CLIC5: variants seen among roughly 807,000 people sequenced by gnomAD.
CLIC5 encodes CLIC family member 5, also known as chloride intracellular channel protein 5.
In CLIC5, 20 loss-of-function variants were observed where a neutral mutation model predicts 24.7. That is an observed-to-expected ratio of 0.81 (90% CI 0.57 to 1.18). The LOEUF is 1.18. Among genes scored for constraint, CLIC5 ranks in the 50% most tolerant of loss-of-function variants. CLIC5 has a pLI of 0.00. For missense variants in CLIC5, 341 were observed against 326.1 expected (o/e 1.05, Z -0.35); for synonymous variants, 159 against 135.6 (o/e 1.17, Z -1.20).
intron 1 of CLIC5, among the ~76,000 whole-genome samples, chr6:46,048,650 C>T (rs1768021002): frequency 6.6e-6 from 1 of 152,126 alleles, no homozygotes; most frequent in Non-Finnish European, 1.5e-5. Context: ...TAGTCCAGCT[C>T]CTGAAACCTC....
chr6:45,996,907 G>A (rs1351192718), intron 1 of CLIC5, among the ~76,000 whole-genome samples: 1 of 151,972 alleles, frequency 6.6e-6, no homozygotes, highest in Non-Finnish European at 1.5e-5. Context: ...TTGTTGGTGG[G>A]ACTGTAAACT....
chr6:46,024,111 A>G (rs1416139101), intron 1 of CLIC5, among the ~76,000 whole-genome samples: 1 of 152,220 alleles, frequency 6.6e-6, no homozygotes, highest in Non-Finnish European at 1.5e-5. Context: ...AGTAGAATGT[A>G]GAATATTTTG....
At chr6:45,948,444 C>T (rs1764358769) in intron 3 of CLIC5, among the ~76,000 whole-genome samples, 1 of 152,194 alleles carries the variant, frequency 6.6e-6, no homozygotes, top group Non-Finnish European at 1.5e-5. Flanking sequence ...TTAAAACGGA[C>T]TCCCCACCTC....
intron 1 of CLIC5, among the ~76,000 whole-genome samples, chr6:46,031,939 T>TATACAC (rs1554163950): frequency 6.8e-6 from 1 of 146,254 alleles, no homozygotes; most frequent in African/African-American, 2.5e-5. Context: ...TATATATATA[T>TATACAC]ACACACACAC....
chr6:46,119,034 G>A, the CLIC5 span, among the ~76,000 whole-genome samples: 1 of 152,222 alleles, frequency 6.6e-6, no homozygotes, highest in Non-Finnish European at 1.5e-5. Flanking sequence ...GAGGCCACAA[G>A]TCGAGGAATA....
At chr6:46,105,369 A>G in the CLIC5 span, among the ~76,000 whole-genome samples, 2 of 152,182 alleles carry the variant, frequency 1.3e-5, no homozygotes, top group African/African-American at 4.8e-5. Flanking sequence ...AAAAGCCAAT[A>G]TTCAAGCTAT....
At chr6:45,963,063 T>C (rs547227507) in intron 1 of CLIC5, among the ~76,000 whole-genome samples, 2 of 152,258 alleles carry the variant, frequency 1.3e-5, no homozygotes, top group Non-Finnish European at 2.9e-5. Flanking sequence ...TATTATTTCA[T>C]GTCCCGCTAT....
chr6:46,090,489 T>G, the CLIC5 span, among the ~76,000 whole-genome samples: 2 of 152,114 alleles, frequency 1.3e-5, no homozygotes, highest in African/African-American at 2.4e-5. Flanking sequence ...AAATATTTGA[T>G]CTATGTGTCA....
chr6:45,888,993 A>C (rs1762327609), intron 6 of CLIC5, among the ~76,000 whole-genome samples: 1 of 152,046 alleles, frequency 6.6e-6, no homozygotes, highest in Admixed American at 6.5e-5. Flanking sequence ...GAGACTAATC[A>C]AGTTGAGGAA....
chr6:46,063,627 G>A (rs981232375), intron 1 of CLIC5, among the ~76,000 whole-genome samples: 1 of 152,190 alleles, frequency 6.6e-6, no homozygotes, highest in African/African-American at 2.4e-5. Flanking sequence ...ATCTGCATGT[G>A]CATGGGAGAA....
At chr6:46,127,401 T>G in the CLIC5 span, among the ~76,000 whole-genome samples, 1 of 152,228 alleles carries the variant, frequency 6.6e-6, no homozygotes, top group Non-Finnish European at 1.5e-5. Flanking sequence ...TTTAGACTAT[T>G]GCCTCTAATT....
chr6:45,960,939 C>T (rs1349790238), intron 1 of CLIC5, among the ~76,000 whole-genome samples: 1 of 152,212 alleles, frequency 6.6e-6, no homozygotes, highest in East Asian at 1.9e-4. Context: ...CCTAGGGTAC[C>T]ATAGAGAGTT....
chr6:45,958,443 T>TATACACACACACACACACAC lies in CLIC5; in HGVS notation c.64-3200_64-3199insGTGTGTGTGTGTGTGTGTAT, dbSNP rs1554151289. ...ACAATTATATATATATATATATATA[T>TATACACACACACACACACAC]ATATATATATATATATATATATATA... On this transcript the variant is annotated intron_variant, in intron 1 of 5. Coordinates refer to ENST00000339561, the MANE Select transcript of CLIC5 (RefSeq NM_016929.5). 2.8e-3 allele frequency among the ~76,000 whole-genome samples: 157 copies of TATACACACACACACACACAC among 55,622 alleles called. 15 individuals carry two copies. The highest frequency in any genetic ancestry group is 9.1e-3 in the South Asian group (15 of 1,644). The allele number at this position is 55,622 out of a possible 152,430, so 36.5% of individuals were successfully genotyped here.
At chr6:46,109,356 A>ATTAAAAACTTC in the CLIC5 span, among the ~76,000 whole-genome samples, 1 of 152,014 alleles carries the variant, frequency 6.6e-6, no homozygotes, top group Non-Finnish European at 1.5e-5. Flanking sequence ...ATTGGACTAG[A>ATTAAAAACTTC]TTAAAAACTT....
chr6:46,092,853 A>G, the CLIC5 span, among the ~76,000 whole-genome samples: 1 of 152,146 alleles, frequency 6.6e-6, no homozygotes, highest in South Asian at 2.1e-4. Flanking sequence ...GTCCCAACCA[A>G]ATACTAAGAA....
At chr6:45,914,990 C>T (rs1047627602) in intron 4 of CLIC5, among the ~76,000 whole-genome samples, 7 of 151,818 alleles carry the variant, frequency 4.6e-5, no homozygotes, top group African/African-American at 7.3e-5. Context: ...AGTGCAGTGG[C>T]GTGATCTGGG....
chr6:46,080,632 A>G (rs1304731606), upstream of CLIC5, among the ~76,000 whole-genome samples: 1 of 152,212 alleles, frequency 6.6e-6, no homozygotes, highest in Admixed American at 6.5e-5. Flanking sequence ...TCCCTCCTCC[A>G]ACTGCCTCCA....
chr6:45,910,524 G>A (rs760991315), intron 5 of CLIC5, among the ~76,000 whole-genome samples: 5 of 152,122 alleles, frequency 3.3e-5, no homozygotes, highest in Admixed American at 6.5e-5. Flanking sequence ...GTGACTTAAT[G>A]TTACATGATA....
chr6:46,027,453 G>T (rs1365480359), intron 1 of CLIC5, among the ~76,000 whole-genome samples: 1 of 152,088 alleles, frequency 6.6e-6, no homozygotes, highest in Admixed American at 6.6e-5. Flanking sequence ...CTACACTGTG[G>T]GATCACATTT....
Sources: gnomAD v4.1 joint callset for allele counts (sites outside exome capture counted in the v4.1 genomes callset) on GRCh38, gnomAD v4.1.1 for gene constraint, MANE v1.5 for transcripts, NCBI Gene and HGNC (gene_info 2026-07-23, HGNC 2026-07-21) for gene names.